PRKCZ: variants seen among roughly 807,000 people sequenced by gnomAD.
PRKCZ encodes the protein protein kinase C zeta type.
PRKCZ carries 33 observed loss-of-function variants against 79.5 expected under a neutral mutation model. The observed-to-expected ratio is 0.41, with a 90% CI of 0.31 to 0.55. The LOEUF is 0.55. PRKCZ is among the 20% of genes least tolerant of loss of function. The pLI is 0.19. For synonymous variants in PRKCZ, 342 were observed against 320.9 expected, an observed-to-expected ratio of 1.07 and a Z score of -0.70; for missense variants, 578 against 813.5, an observed-to-expected ratio of 0.71 and a Z score of 3.52.
At chr1:2,073,837 C>T (rs1038236776) in intron 4 of PRKCZ, 1 of 1,048,940 alleles carries the variant, frequency 9.5e-7, no homozygotes, top group South Asian at 3.5e-5. Flanking sequence ...GACGCAGCAT[C>T]AGCTCGTCAA....
chr1:2,150,241 G>A (rs1375515952), intron 8 of PRKCZ, among the ~76,000 whole-genome samples: 1 of 150,558 alleles, frequency 6.6e-6, no homozygotes, highest in Non-Finnish European at 1.5e-5. Context: ...CCTCCACCCC[G>A]ACCTCCTTGC....
intron 4 of PRKCZ, among the ~76,000 whole-genome samples, chr1:2,084,190 A>G (rs1408632878): frequency 6.6e-6 from 1 of 152,198 alleles, no homozygotes; most frequent in African/African-American, 2.4e-5. Context: ...CGGTGAGCCA[A>G]GATTGCACCA....
chr1:2,144,459 G>T, intron 6 of PRKCZ, 118 bp downstream of exon 6: 1 of 1,478,986 alleles, frequency 6.8e-7, no homozygotes, highest in Non-Finnish European at 9.0e-7. Flanking sequence ...CCGTGGTGCC[G>T]TCCTAGCTCT....
At chr1:2,184,234 G>C (rs1687185478) in intron 16 of PRKCZ, 1 of 287,806 alleles carries the variant, frequency 3.5e-6, no homozygotes, top group East Asian at 9.8e-5. Flanking sequence ...AGGGTTCCAA[G>C]ACGTCATGAG....
intron 4 of PRKCZ, among the ~76,000 whole-genome samples, chr1:2,102,933 A>C (rs956826766): frequency 3.9e-5 from 6 of 152,034 alleles, no homozygotes; most frequent in African/African-American, 1.4e-4. Context: ...AGGCTGGAGT[A>C]CAGTGGTACA....
At chr1:2,088,352 G>A (rs1378627794) in intron 4 of PRKCZ, among the ~76,000 whole-genome samples, 1 of 152,158 alleles carries the variant, frequency 6.6e-6, no homozygotes, top group Non-Finnish European at 1.5e-5. Flanking sequence ...TGCAGTCTCA[G>A]CTCGGAGGCT....
chr1:2,176,088 G>A (rs373583133), intron 16 of PRKCZ, among the ~76,000 whole-genome samples: 9 of 152,290 alleles, frequency 5.9e-5, no homozygotes, highest in East Asian at 5.8e-4. Context: ...ACACTGGCTC[G>A]ATTTAGGAAT....
intron 10 of PRKCZ, among the ~76,000 whole-genome samples, chr1:2,159,638 G>A (rs1016325631): frequency 4.6e-5 from 7 of 152,192 alleles, no homozygotes; most frequent in Admixed American, 2.6e-4. Context: ...GGCCATGTTC[G>A]TGTCCACTGG....
intron 10 of PRKCZ, among the ~76,000 whole-genome samples, chr1:2,162,363 C>G (rs1015445836): frequency 6.6e-6 from 1 of 152,242 alleles, no homozygotes; most frequent in African/African-American, 2.4e-5. Context: ...AACTCCCAAC[C>G]TCAAGTGATC....
At chr1:2,145,506 T>G (rs183904338) in intron 6 of PRKCZ, 1 of 153,530 alleles carries the variant, frequency 6.5e-6, no homozygotes, top group African/African-American at 2.4e-5. Flanking sequence ...GTCTGCAGAA[T>G]CATAGGTAAT....
At chr1:2,053,059 C>A (rs1170902371) in intron 1 of PRKCZ, among the ~76,000 whole-genome samples, 1 of 152,004 alleles carries the variant, frequency 6.6e-6, no homozygotes, top group Non-Finnish European at 1.5e-5. Flanking sequence ...GTCTCAGATG[C>A]CCGCTCTTCT....
chr1:2,162,649 T>C (rs1020934991), intron 10 of PRKCZ, among the ~76,000 whole-genome samples: 1 of 152,216 alleles, frequency 6.6e-6, no homozygotes, highest in African/African-American at 2.4e-5. Flanking sequence ...GGTCTTGCTA[T>C]GTTGCCCAAT....
intron 4 of PRKCZ, among the ~76,000 whole-genome samples, chr1:2,087,649 G>A (rs930932191): frequency 4.6e-5 from 7 of 152,152 alleles, no homozygotes; most frequent in Non-Finnish European, 1.0e-4. Flanking sequence ...CAGGATACCC[G>A]AGTAATATGT....
In PRKCZ at chr1:2,094,969, C is replaced by T. The variant is rs1034006065; in HGVS notation, c.334+35378C>T. Among the ~76,000 whole-genome samples the T allele has an allele frequency of 1.3e-5, 2 of 152,182 alleles. No homozygotes were observed. Among genetic ancestry groups the T allele is most frequent in the Admixed American group, 6.5e-5 (1 of 15,292 alleles). ...TCTCCCTGCCCCCGCCGGCATGACA[C>T]GGACACTGGTGCCCGAGTGATGCCT... On this transcript the variant is annotated intron_variant, in intron 4 of 17. Coordinates refer to ENST00000378567, the MANE Select transcript of PRKCZ (RefSeq NM_002744.6). This position sits in a 1 kb window ranked among gnomAD's most constrained non-coding sequence, Gnocchi z 7.3.
chr1:2,160,238 C>CGCGCGCGT (rs71578361), intron 10 of PRKCZ, among the ~76,000 whole-genome samples: 14 of 146,468 alleles, frequency 9.6e-5, no homozygotes, highest in African/African-American at 3.3e-4. Context: ...CAGCAGTGTG[C>CGCGCGCGT]GTGTGTGTGT....
intron 6 of PRKCZ, 189 bp downstream of exon 6, chr1:2,144,530 C>G: frequency 1.4e-6 from 2 of 1,419,368 alleles, no homozygotes; most frequent in Non-Finnish European, 1.8e-6. Context: ...TGAGCCCCCA[C>G]AAGCCCCCGG....
Position 2,124,392 on chromosome 1 carries a change from T to C in PRKCZ, c.335-10870T>C, listed in dbSNP as rs578239992. On this transcript the variant is annotated intron_variant, in intron 4 of 17. Transcript: ENST00000378567. The stretch of plus-strand genomic sequence containing the variant: ...ACGGCGGCGGTTAGGGTCACGGCGG[T>C]GGTTAGGGTCACGGTGGTGGTTAGG... Among the ~76,000 whole-genome samples the C allele has an allele frequency of 4.7e-4, 63 of 134,680 alleles. 18 individuals carry two copies. The highest frequency in any genetic ancestry group is 2.2e-3 in the South Asian group (9 of 4,008). The allele number at this position is 134,680 out of a possible 152,430, so 88.4% of individuals were successfully genotyped here. A position where few individuals can be genotyped will look rare whatever the true frequency, so the allele number is the denominator to read the frequency against.
chr1:2,183,024 G>A (rs955865042), intron 16 of PRKCZ, among the ~76,000 whole-genome samples: 1 of 152,124 alleles, frequency 6.6e-6, no homozygotes, highest in African/African-American at 2.4e-5. Flanking sequence ...TCAGCAGTTC[G>A]GGAGCAGCCT....
intron 4 of PRKCZ, among the ~76,000 whole-genome samples, chr1:2,070,413 T>TG (rs1277751202): frequency 7.2e-5 from 11 of 152,276 alleles, no homozygotes; most frequent in African/African-American, 1.9e-4. Context: ...TTGGGTCTGG[T>TG]GGGACCCCTG....
Sources: gnomAD v4.1 joint callset for allele counts (sites outside exome capture counted in the v4.1 genomes callset) on GRCh38, gnomAD v4.1.1 for gene constraint, Gnocchi (gnomAD v3.1) non-coding constraint, MANE v1.5 for transcripts, NCBI Gene and HGNC (gene_info 2026-07-23, HGNC 2026-07-21) for gene names.